Variants in TRIM24 observed in about 807,000 individuals in gnomAD.
The protein encoded by TRIM24 is tripartite motif containing 24.
Under a neutral mutation model 123.9 loss-of-function variants are expected in TRIM24, and 29 were observed. That is an observed-to-expected ratio of 0.23 (90% CI 0.17 to 0.32). The LOEUF (loss-of-function observed/expected upper bound fraction) is 0.32, where lower values mean the gene tolerates loss of function less well. Among genes scored for constraint, TRIM24 ranks in the 10% least tolerant of loss-of-function variants. The pLI, the probability that TRIM24 is intolerant of heterozygous loss-of-function variation, is 1.00. For missense variants in TRIM24, 932 were observed against 1,295.3 expected, an observed-to-expected ratio of 0.72 and a Z score of 4.31; for synonymous variants, 456 against 461.1, an observed-to-expected ratio of 0.99 and a Z score of 0.14.
intron 7 of TRIM24, among the ~76,000 whole-genome samples, chr7:138,547,240 G>A (rs1797119464): frequency 1.3e-5 from 2 of 152,300 alleles, no homozygotes; most frequent in South Asian, 4.1e-4. Context: ...GGCTGGAAGG[G>A]ATTCAGGGTA....
intron 9 of TRIM24, among the ~76,000 whole-genome samples, chr7:138,560,028 A>G (rs908631899): frequency 2.6e-5 from 4 of 152,166 alleles, no homozygotes; most frequent in Non-Finnish European, 5.9e-5. Flanking sequence ...AATTTGACCT[A>G]TGATTGGGGA....
Position 138,515,352 on chromosome 7 carries a change from A to G in TRIM24, c.624A>G (p.Val208=), listed in dbSNP as rs1375059804. Residue 208 remains valine, a synonymous_variant, in exon 3 of 19, where the codon GTA becomes GTG. Transcript: ENST00000343526. The part of the protein sequence containing the change: ...KDHTVRQKEE[V]SPEAVGVTSQ... ...ACACTGTCAGACAGAAAGAGGAAGT[A>G]TCTCCAGGTAATAAATGAGATCTTT... The G allele has an allele frequency of 1.2e-6, 2 of 1,613,606 alleles. No individual in the cohort carries two copies. Among genetic ancestry groups the G allele is most frequent in the Non-Finnish European group, 1.7e-6 (2 of 1,179,780 alleles).
intron 2 of TRIM24, chr7:138,514,466 C>G (rs1796355421): frequency 6.6e-6 from 1 of 152,232 alleles, no homozygotes; most frequent in African/African-American, 2.4e-5. Flanking sequence ...TGCCAGTCTT[C>G]CCCTGAATCG....
intron 2 of TRIM24, among the ~76,000 whole-genome samples, chr7:138,505,209 C>T (rs1468042834): frequency 6.6e-6 from 1 of 152,068 alleles, no homozygotes; most frequent in East Asian, 1.9e-4. Flanking sequence ...AGAAATAAAA[C>T]AGTGAAACAG....
rs563850059 is a variant in TRIM24 at position 138,492,885 on chromosome 7, A to G, written c.365-11405A>G. ...CTCTTTCTCTTCTAGGACTTGTTCA[A>G]TGGTGTTCCACAGGTGCCTTAGGTT... On this transcript the variant is annotated intron_variant, in intron 1 of 18. Transcript: ENST00000343526. Among the ~76,000 whole-genome samples the G allele has an allele frequency of 5.4e-4, 82 of 152,312 alleles. No individual in the cohort carries two copies. The South Asian group carries it at 0.013, about 25-fold the overall frequency.
At chr7:138,580,720 T>C in intron 16 of TRIM24, 26 bp downstream of exon 16, 1 of 1,607,190 alleles carries the variant, frequency 6.2e-7, no homozygotes, top group Non-Finnish European at 8.5e-7. Flanking sequence ...GATGCATTAT[T>C]GTATTGTAGT....
At chr7:138,518,502 T>C (rs1796444138) in intron 3 of TRIM24, among the ~76,000 whole-genome samples, 1 of 152,230 alleles carries the variant, frequency 6.6e-6, no homozygotes, top group Non-Finnish European at 1.5e-5. Flanking sequence ...TCCAGTTTTA[T>C]CCCCACACTG....
chr7:138,541,294 GA>G (rs986742989), intron 7 of TRIM24, among the ~76,000 whole-genome samples: 8 of 150,686 alleles, frequency 5.3e-5, no homozygotes, highest in South Asian at 2.1e-4. Context: ...ACCAAAAGGA[GA>G]AAAAAAAAGA....
chr7:138,461,272 C>T (rs757576717), intron 1 of TRIM24: 2 of 564,960 alleles, frequency 3.5e-6, no homozygotes, highest in Admixed American at 1.9e-5. Flanking sequence ...TAACTGCTAC[C>T]CGCCCGCTGC....
intron 12 of TRIM24, among the ~76,000 whole-genome samples, chr7:138,575,584 G>A (rs944491461): frequency 1.3e-5 from 2 of 150,072 alleles, no homozygotes; most frequent in African/African-American, 4.9e-5. Context: ...GCCACATCCT[G>A]TTGTTCATCA....
In TRIM24 at chr7:138,588,672, G is replaced by C. The variant is rs1584754749; in HGVS notation, c.*3721G>C. On this transcript the variant is annotated 3_prime_UTR_variant, in exon 19 of 19. Coordinates refer to ENST00000343526, the MANE Select transcript of TRIM24 (RefSeq NM_015905.3). Reference sequence around the variant, plus strand: ...GCTGAGATCGCACCACTGTAGTCCAGCCTGGGTGTCAGAGCAAGACTCTGT... The same window carrying C: ...GCTGAGATCGCACCACTGTAGTCCACCCTGGGTGTCAGAGCAAGACTCTGT... The C allele has an allele frequency of 6.6e-6, 1 of 151,724 alleles. No individual in the cohort carries two copies. The highest frequency in any genetic ancestry group is 1.5e-5 in the Non-Finnish European group (1 of 68,198). The allele number at this position is 151,724 out of a possible 1,614,324, so 9.4% of individuals were successfully genotyped here.
intron 1 of TRIM24, among the ~76,000 whole-genome samples, chr7:138,503,195 G>C (rs1796078572): frequency 6.6e-6 from 1 of 151,926 alleles, no homozygotes; most frequent in South Asian, 2.1e-4. Flanking sequence ...CTTTATAGTA[G>C]GTTTTATTAG....
At chr7:138,557,248 A>C (rs1465701465) in intron 9 of TRIM24, among the ~76,000 whole-genome samples, 1 of 152,190 alleles carries the variant, frequency 6.6e-6, no homozygotes, top group African/African-American at 2.4e-5. Context: ...GAGTCAGCTA[A>C]GTACAGGAAA....
At chr7:138,503,160 A>AAT (rs1554435783) in intron 1 of TRIM24, among the ~76,000 whole-genome samples, 6 of 151,976 alleles carry the variant, frequency 3.9e-5, no homozygotes, top group African/African-American at 1.2e-4. Flanking sequence ...GCCTTAAAAA[A>AAT]ATCACACCAT....
At chr7:138,497,360 G>A (rs1178618929) in intron 1 of TRIM24, among the ~76,000 whole-genome samples, 5 of 149,328 alleles carry the variant, frequency 3.3e-5, no homozygotes, top group Admixed American at 2.0e-4. Flanking sequence ...GAGCCACCGC[G>A]CCTGGCCGAT....
intron 13 of TRIM24, among the ~76,000 whole-genome samples, chr7:138,576,720 G>A (rs971438825): frequency 1.3e-5 from 2 of 152,130 alleles, no homozygotes; most frequent in Admixed American, 1.3e-4. Context: ...AAATGAATAG[G>A]CATAACACAG....
chr7:138,585,645 G>A lies in TRIM24; in HGVS notation c.*694G>A, dbSNP rs141437621. On this transcript the variant is annotated 3_prime_UTR_variant, in exon 19 of 19. Transcript: ENST00000343526. Reference sequence around the variant, plus strand: ...CTGTAGAGGTATTTTGGTATAGCAGGTTTTCAAGGCCATTTTTTATACATT... The same window carrying A: ...CTGTAGAGGTATTTTGGTATAGCAGATTTTCAAGGCCATTTTTTATACATT... 468 of 370,164 alleles carry A rather than the reference G, an allele frequency of 1.3e-3. No homozygotes were observed. The highest frequency in any genetic ancestry group is 8.8e-3 in the African/African-American group (403 of 45,982). The allele number at this position is 370,164 out of a possible 1,614,324, so 22.9% of individuals were successfully genotyped here. A position where few individuals can be genotyped will look rare whatever the true frequency, so the allele number is the denominator to read the frequency against.
At position 138,585,105 on chromosome 7, in the gene TRIM24, A is replaced by G; in HGVS notation, c.*154A>G. 1.8e-6 allele frequency: 1 copy of G among 540,970 alleles called. No individual in the cohort carries two copies. The highest frequency in any genetic ancestry group is 2.0e-5 in the African/African-American group (1 of 51,212). The allele number at this position is 540,970 out of a possible 1,614,324, so 33.5% of individuals were successfully genotyped here. ...TAGACTTTGATTTCCTTAATAGCCCATTTCTGTTAACCTCTTATCACTAAG... is the reference window on the plus strand; with the variant it reads ...TAGACTTTGATTTCCTTAATAGCCCGTTTCTGTTAACCTCTTATCACTAAG... On this transcript the variant is annotated 3_prime_UTR_variant, in exon 19 of 19. Coordinates refer to ENST00000343526, the MANE Select transcript of TRIM24 (RefSeq NM_015905.3).
intron 1 of TRIM24, among the ~76,000 whole-genome samples, chr7:138,473,888 A>G (rs578095539): frequency 3.4e-4 from 52 of 152,254 alleles, no homozygotes; most frequent in African/African-American, 1.1e-3. Context: ...CTCCCACCTC[A>G]GCCTCCCAAG....
Sources: allele counts gnomAD v4.1 joint callset (sites outside exome capture counted in the v4.1 genomes callset), GRCh38; gene constraint gnomAD v4.1.1; transcripts MANE v1.5; gene names NCBI Gene and HGNC (gene_info 2026-07-23, HGNC 2026-07-21).